SLCO2A1: variants seen among roughly 807,000 people sequenced by gnomAD.
SLCO2A1 encodes matrin F/G 1.
Under a neutral mutation model 71.7 loss-of-function variants are expected in SLCO2A1, and 60 were observed. That is an observed-to-expected ratio of 0.84 (90% confidence interval 0.68 to 1.04). SLCO2A1 has a LOEUF of 1.04. SLCO2A1 is among the 50% of genes least tolerant of loss of function. The probability of loss-of-function intolerance (pLI) is 0.00; values close to 1 mark genes in which losing one functional copy is unlikely to be tolerated. For missense variants in SLCO2A1, 745 were observed against 813.4 expected, an observed-to-expected ratio of 0.92 and a Z score of 1.02; for synonymous variants, 308 against 326.7, an observed-to-expected ratio of 0.94 and a Z score of 0.62.
At chr3:134,018,994 C>T (rs555084435) in intron 1 of SLCO2A1, among the ~76,000 whole-genome samples, 56 of 152,274 alleles carry the variant, frequency 3.7e-4, no homozygotes, top group Non-Finnish European at 6.9e-4. Flanking sequence ...GGTATCAGCC[C>T]GTTAGCCACT....
chr3:134,002,458 T>C (rs1242010983), intron 1 of SLCO2A1, among the ~76,000 whole-genome samples: 1 of 152,236 alleles, frequency 6.6e-6, no homozygotes, highest in Non-Finnish European at 1.5e-5. Flanking sequence ...TCATGTTCCC[T>C]GGCAACCATT....
chr3:133,978,637 C>A (rs1247097093), intron 2 of SLCO2A1, among the ~76,000 whole-genome samples: 4 of 152,110 alleles, frequency 2.6e-5, no homozygotes, highest in African/African-American at 4.8e-5. Context: ...GGGAAGACCT[C>A]ATGATGCTCC....
At chr3:134,010,973 G>GC (rs1316002308) in intron 1 of SLCO2A1, among the ~76,000 whole-genome samples, 2 of 152,122 alleles carry the variant, frequency 1.3e-5, no homozygotes, top group African/African-American at 4.8e-5. Flanking sequence ...ATCAAAACAG[G>GC]CTTGACTAAT....
chr3:134,001,412 T>G (rs1468748432), intron 1 of SLCO2A1, among the ~76,000 whole-genome samples: 2 of 152,100 alleles, frequency 1.3e-5, no homozygotes, highest in Admixed American at 6.5e-5. Context: ...CGCCCAGCCT[T>G]GTCTAGTCTT....
intron 3 of SLCO2A1, among the ~76,000 whole-genome samples, chr3:133,972,380 G>A (rs1934345553): frequency 6.6e-6 from 1 of 152,088 alleles, no homozygotes; most frequent in South Asian, 2.1e-4. Context: ...AAGAGACAAG[G>A]AGGCCAGAAA....
Position 134,009,299 on chromosome 3 carries a change from GATC to G in SLCO2A1, c.96+20405_96+20407del, listed in dbSNP as rs558020027. 2.0e-4 allele frequency among the ~76,000 whole-genome samples: 31 copies of G among 152,218 alleles called. No homozygotes were observed. In the South Asian group the frequency reaches 4.2e-3, roughly 20 times the overall value. ...GTATACTGTGATTTTGACAAATTTG[GATC>G]ATCTCTACATGTGCTTATCCATCCT... is the stretch of plus-strand genomic sequence containing the variant. On this transcript the variant is annotated intron_variant, in intron 1 of 13. Coordinates refer to ENST00000310926, the MANE Select transcript of SLCO2A1 (RefSeq NM_005630.3).
chr3:133,982,922 T>A (rs1934627909), intron 1 of SLCO2A1, among the ~76,000 whole-genome samples: 1 of 152,124 alleles, frequency 6.6e-6, no homozygotes, highest in African/African-American at 2.4e-5. Flanking sequence ...ACAGCTGTGT[T>A]GGTTTGTGAG....
chr3:133,981,683 AAAG>A, intron 1 of SLCO2A1, among the ~76,000 whole-genome samples: 1 of 152,184 alleles, frequency 6.6e-6, no homozygotes, highest in Non-Finnish European at 1.5e-5. Flanking sequence ...AAGATTAGAA[AAAG>A]AAAAGCAAGG....
chr3:134,000,452 C>A (rs906576135), intron 1 of SLCO2A1, among the ~76,000 whole-genome samples: 1 of 152,066 alleles, frequency 6.6e-6, no homozygotes, highest in African/African-American at 2.4e-5. Flanking sequence ...CCACCTAGGG[C>A]AATAAGACCA....
chr3:133,940,854 A>G (rs1318636620), intron 11 of SLCO2A1, among the ~76,000 whole-genome samples: 1 of 152,164 alleles, frequency 6.6e-6, no homozygotes, highest in Non-Finnish European at 1.5e-5. Context: ...TCCGGGTTGT[A>G]GTTGCAATGA....
At chr3:133,991,984 A>C (rs1341069215) in intron 1 of SLCO2A1, among the ~76,000 whole-genome samples, 1 of 152,212 alleles carries the variant, frequency 6.6e-6, no homozygotes, top group Non-Finnish European at 1.5e-5. Context: ...ACAGAGAAGC[A>C]AACTGCAAGG....
chr3:133,979,532 C>T lies in SLCO2A1; in HGVS notation c.183G>A (p.Lys61=). The change falls in exon 2 of 14, where the codon AAG becomes AAA. Residue 61 remains lysine, a synonymous_variant. Transcript: ENST00000310926. ...YFKSSLTTIE[K]RFGLSSSSSG... ...ATGAAGAACTGGAGAGCCCAAAGCG[C>T]TTCTCAATGGTGGTGAGGCTGCTCT... 1 of 1,614,170 alleles carries T rather than the reference C, an allele frequency of 6.2e-7. No individual in the cohort carries two copies. Among genetic ancestry groups the T allele is most frequent in the Non-Finnish European group, 8.5e-7 (1 of 1,180,010 alleles).
chr3:133,995,735 C>T (rs575652044), intron 1 of SLCO2A1, among the ~76,000 whole-genome samples: 2 of 152,328 alleles, frequency 1.3e-5, no homozygotes, highest in African/African-American at 4.8e-5. Context: ...AGGGAGTAAT[C>T]TTCTCCACAA....
At chr3:133,994,064 G>T (rs1002341766) in intron 1 of SLCO2A1, among the ~76,000 whole-genome samples, 1 of 152,176 alleles carries the variant, frequency 6.6e-6, no homozygotes, top group Non-Finnish European at 1.5e-5. Flanking sequence ...GGTGGTGGCT[G>T]CAGGGAAGCA....
chr3:134,017,865 C>T (rs977084795), intron 1 of SLCO2A1, among the ~76,000 whole-genome samples: 77 of 152,158 alleles, frequency 5.1e-4, no homozygotes, highest in African/African-American at 1.7e-3. Context: ...AGGGAAGCCA[C>T]GTGCACATCT....
At chr3:133,989,940 A>T (rs1934802251) in intron 1 of SLCO2A1, among the ~76,000 whole-genome samples, 1 of 152,252 alleles carries the variant, frequency 6.6e-6, no homozygotes, top group Non-Finnish European at 1.5e-5. Context: ...ACTGGGAGCC[A>T]GAGGAGCAGG....
chr3:133,952,036 T>C (rs1933757432), intron 5 of SLCO2A1, among the ~76,000 whole-genome samples: 1 of 152,210 alleles, frequency 6.6e-6, no homozygotes, highest in African/African-American at 2.4e-5. Flanking sequence ...TGTTTCTCTG[T>C]GTAAAGAAAC....
At chr3:133,985,905 T>C (rs535778047) in intron 1 of SLCO2A1, among the ~76,000 whole-genome samples, 1 of 152,348 alleles carries the variant, frequency 6.6e-6, no homozygotes, top group South Asian at 2.1e-4. Flanking sequence ...CTGCTTCTGA[T>C]CAATCTACAA....
At chr3:133,957,721 A>G (rs1235595348) in intron 3 of SLCO2A1, among the ~76,000 whole-genome samples, 2 of 152,188 alleles carry the variant, frequency 1.3e-5, no homozygotes. Flanking sequence ...CTGGGACAAT[A>G]AGATGAAATA....
Sources: gnomAD v4.1 joint callset for allele counts (sites outside exome capture counted in the v4.1 genomes callset) on GRCh38, gnomAD v4.1.1 for gene constraint, MANE v1.5 for transcripts, NCBI Gene and HGNC (gene_info 2026-07-23, HGNC 2026-07-21) for gene names.